EFHB: variants seen among roughly 807,000 people sequenced by gnomAD.
The protein encoded by EFHB is EF-hand domain family member B.
EFHB carries 91 observed loss-of-function variants against 87.2 expected under a neutral mutation model. That is an observed-to-expected ratio of 1.04 (90% CI 0.88 to 1.24). The LOEUF (loss-of-function observed/expected upper bound fraction) is 1.24, where lower values mean the gene tolerates loss of function less well. Ranked by LOEUF, EFHB falls within the 50% of genes most tolerant of loss-of-function variation. EFHB has a pLI of 0.00. For missense variants in EFHB, 1,084 were observed against 998.8 expected, an observed-to-expected ratio of 1.09 and a Z score of -1.15; for synonymous variants, 325 against 333.6, an observed-to-expected ratio of 0.97 and a Z score of 0.28.
chr3:19,910,121 T>C (rs1390562848), intron 5 of EFHB, among the ~76,000 whole-genome samples: 3 of 151,992 alleles, frequency 2.0e-5, no homozygotes, highest in Admixed American at 1.3e-4. Flanking sequence ...GGTACCAGCA[T>C]GGCCACAGGG....
chr3:19,929,134 A>C (rs1235782504), intron 1 of EFHB, among the ~76,000 whole-genome samples: 1 of 152,140 alleles, frequency 6.6e-6, no homozygotes, highest in Non-Finnish European at 1.5e-5. Context: ...AAAAAGATCC[A>C]TGCTTTTGGC....
intron 9 of EFHB, among the ~76,000 whole-genome samples, chr3:19,893,082 C>G (rs1476867321): frequency 1.3e-5 from 2 of 151,868 alleles, no homozygotes; most frequent in Non-Finnish European, 2.9e-5. Flanking sequence ...TCCCGAGTAG[C>G]TAGGATTACA....
chr3:19,910,903 C>T (rs1695041702), intron 5 of EFHB, among the ~76,000 whole-genome samples: 1 of 152,172 alleles, frequency 6.6e-6, no homozygotes, highest in Non-Finnish European at 1.5e-5. Flanking sequence ...CTTGGGGTGC[C>T]CCCTAAAGCA....
At chr3:19,925,481 A>T (rs1695589853) in intron 1 of EFHB, among the ~76,000 whole-genome samples, 1 of 152,128 alleles carries the variant, frequency 6.6e-6, no homozygotes, top group Admixed American at 6.6e-5. Flanking sequence ...TGTCAGTGAG[A>T]AAAGGGTTAT....
chr3:19,913,878 A>G (rs1420596620), intron 5 of EFHB, among the ~76,000 whole-genome samples: 1 of 152,210 alleles, frequency 6.6e-6, no homozygotes, highest in Non-Finnish European at 1.5e-5. Context: ...AAACAAATCC[A>G]TACACCTAGA....
Position 19,879,575 on chromosome 3 carries a change from T to C in EFHB, c.*56A>G, listed in dbSNP as rs2071621048. ...CTAAAACCAGAATGGATTCAACATTTTAGATAAACACAGAGTTAATAATTC... is the reference window on the plus strand; with the variant it reads ...CTAAAACCAGAATGGATTCAACATTCTAGATAAACACAGAGTTAATAATTC... On this transcript the variant is annotated 3_prime_UTR_variant, in exon 13 of 13. Coordinates refer to ENST00000295824, the MANE Select transcript of EFHB (RefSeq NM_144715.4). 3.4e-6 allele frequency: 5 copies of C among 1,484,978 alleles called. No individual in the cohort carries two copies. In the African/African-American group the frequency reaches 4.2e-5, roughly 13 times the overall value. The allele number at this position is 1,484,978 out of a possible 1,614,324, so 92.0% of individuals were successfully genotyped here. A position where few individuals can be genotyped will look rare whatever the true frequency, so the allele number is the denominator to read the frequency against.
intron 1 of EFHB, chr3:19,940,734 T>A (rs1012254836): frequency 2.4e-5 from 8 of 337,464 alleles, no homozygotes; most frequent in African/African-American, 6.5e-5. Flanking sequence ...GAAGATGCCA[T>A]TGGCATCAAT....
chr3:19,945,962 T>G (rs1575062245), intron 1 of EFHB: 2 of 152,300 alleles, frequency 1.3e-5, no homozygotes, highest in African/African-American at 4.8e-5. Flanking sequence ...GGAAAATCAA[T>G]TTAATATTCT....
chr3:19,942,196 TCAAAGATCAGC>T (rs1696175640), intron 1 of EFHB: 1 of 152,114 alleles, frequency 6.6e-6, no homozygotes, highest in Non-Finnish European at 1.5e-5. Context: ...ACTTCTAAGG[TCAAAGATCAGC>T]ACATTTCATT....
chr3:19,923,013 C>T (rs909886929), intron 1 of EFHB, among the ~76,000 whole-genome samples: 1 of 152,040 alleles, frequency 6.6e-6, no homozygotes, highest in Non-Finnish European at 1.5e-5. Context: ...ACACCTGTAA[C>T]CCCCAGCACT....
chr3:19,939,066 C>T (rs1432789693), upstream of EFHB, among the ~76,000 whole-genome samples: 2 of 152,072 alleles, frequency 1.3e-5, no homozygotes, highest in Non-Finnish European at 2.9e-5. Flanking sequence ...GCCACCATGC[C>T]CAGCTAATTT....
At position 19,901,014 on chromosome 3, in the gene EFHB, T is replaced by A. The variant is rs574650908; in HGVS notation, c.1419-1499A>T. 2.0e-5 allele frequency among the ~76,000 whole-genome samples: 3 copies of A among 152,054 alleles called. No individual in the cohort carries two copies. The South Asian group carries it at 6.2e-4, about 32-fold the overall frequency. Reference sequence around the variant, plus strand: ...AGTGGAATAAAGAAAAGAATCAAAATGTTCAGTTGTGGAGGGTAATTAAAT... The same window carrying A: ...AGTGGAATAAAGAAAAGAATCAAAAAGTTCAGTTGTGGAGGGTAATTAAAT... On this transcript the variant is annotated intron_variant, in intron 6 of 12. Transcript: ENST00000295824.
intron 1 of EFHB, among the ~76,000 whole-genome samples, chr3:19,924,674 G>A (rs1198671927): frequency 6.6e-6 from 1 of 152,134 alleles, no homozygotes; most frequent in African/African-American, 2.4e-5. Flanking sequence ...ATATCTGCAT[G>A]ATTCTTTAGG....
intron 1 of EFHB, among the ~76,000 whole-genome samples, chr3:19,929,002 G>A (rs1424764316): frequency 6.6e-6 from 1 of 151,678 alleles, no homozygotes; most frequent in African/African-American, 2.4e-5. Flanking sequence ...AACATATGGA[G>A]CAATTTTCAA....
intron 1 of EFHB, among the ~76,000 whole-genome samples, chr3:19,930,566 C>A (rs1384676030): frequency 3.3e-5 from 5 of 152,130 alleles, no homozygotes; most frequent in Non-Finnish European, 7.3e-5. Context: ...GTCGTTCTAA[C>A]AATGTTGGTA....
chr3:19,899,762 T>A (rs576204866), intron 6 of EFHB, among the ~76,000 whole-genome samples: 32 of 152,310 alleles, frequency 2.1e-4, no homozygotes, highest in Non-Finnish European at 3.2e-4. Flanking sequence ...AAACAAGGTG[T>A]TAATATCACT....
chr3:19,940,480 TTC>T (rs776072658), intron 1 of EFHB: 16 of 503,490 alleles, frequency 3.2e-5, no homozygotes, highest in African/African-American at 1.6e-4. Context: ...GACAAGAATC[TTC>T]TGTTTGTCTT....
chr3:19,941,960 G>A (rs62280069), intron 1 of EFHB, among the ~76,000 whole-genome samples: 21,495 of 151,290 alleles, frequency 0.14, 1,859 homozygotes, highest in Non-Finnish European at 0.21. Context: ...TTTGAGACCA[G>A]CCTGGCCAAC....
In EFHB at chr3:19,884,622, G is replaced by A. The variant is rs957290063; in HGVS notation, c.1934-7C>T. 1 of 1,609,032 alleles carries A rather than the reference G, an allele frequency of 6.2e-7. No individual in the cohort carries two copies. Among genetic ancestry groups the A allele is most frequent in the Non-Finnish European group, 8.5e-7 (1 of 1,178,436 alleles). On this transcript the variant is annotated splice_region_variant and splice_polypyrimidine_tract_variant and intron_variant, in intron 10 of 12. Coordinates refer to ENST00000295824, the MANE Select transcript of EFHB (RefSeq NM_144715.4). ...ACACAATCTGGTTTTCTACCTTTAA[G>A]GAAAATAAATGAAAGAAAAAATGCA...
Sources: allele counts gnomAD v4.1 joint callset (sites outside exome capture counted in the v4.1 genomes callset), GRCh38; gene constraint gnomAD v4.1.1; transcripts MANE v1.5; gene names NCBI Gene and HGNC (gene_info 2026-07-23, HGNC 2026-07-21).